PALM2AKAP2: variants seen among roughly 807,000 people sequenced by gnomAD.
The protein encoded by PALM2AKAP2 is PALM2-AKAP2 fusion protein.
A neutral mutation model predicts 71.5 loss-of-function variants in PALM2AKAP2; 37 were observed. The ratio of observed to expected loss-of-function variants is 0.52; its 90% CI spans 0.40 to 0.68. The LOEUF is 0.68. PALM2AKAP2 is among the 30% of genes least tolerant of loss of function. The probability of loss-of-function intolerance (pLI) is 0.00; values close to 1 mark genes in which losing one functional copy is unlikely to be tolerated. For synonymous variants in PALM2AKAP2, 468 were observed against 478.8 expected, an observed-to-expected ratio of 0.98 and a Z score of 0.29; for missense variants, 1,224 against 1,191.8, an observed-to-expected ratio of 1.03 and a Z score of -0.40.
chr9:109,697,947 A>G (rs1391264309), intron 1 of PALM2AKAP2, among the ~76,000 whole-genome samples: 1 of 152,214 alleles, frequency 6.6e-6, no homozygotes, highest in Admixed American at 6.5e-5. Context: ...ACCTGTGGCC[A>G]CATAGACATT....
At chr9:110,033,775 G>A (rs551195124) in intron 7 of PALM2AKAP2, among the ~76,000 whole-genome samples, 1 of 152,332 alleles carries the variant, frequency 6.6e-6, no homozygotes, top group African/African-American at 2.4e-5. Flanking sequence ...GAATGGACCT[G>A]ATCTAAGACC....
At chr9:110,060,332 A>G (rs1459686465) in intron 1 of PALM2AKAP2, among the ~76,000 whole-genome samples, 1 of 151,994 alleles carries the variant, frequency 6.6e-6, no homozygotes, top group African/African-American at 2.4e-5. Context: ...CGAACTCCTG[A>G]CCTCAAGTGA....
At chr9:109,855,700 T>C (rs962379686) in intron 1 of PALM2AKAP2, among the ~76,000 whole-genome samples, 1 of 152,174 alleles carries the variant, frequency 6.6e-6, no homozygotes, top group African/African-American at 2.4e-5. Flanking sequence ...ATTTTCTACT[T>C]TTAAACCATT....
chr9:109,754,735 A>G lies in PALM2AKAP2; in HGVS notation c.6-25753A>G, dbSNP rs1828933436. Among the ~76,000 whole-genome samples, 2 of 152,106 alleles carry G rather than the reference A, an allele frequency of 1.3e-5. 1 individual carries two copies. Among genetic ancestry groups the G allele is most frequent in the South Asian group, 4.1e-4 (2 of 4,820 alleles). On this transcript the variant is annotated intron_variant, in intron 1 of 6. Coordinates refer to the PALM2AKAP2 transcript ENST00000374531. Reference sequence around the variant, plus strand: ...TTCTCACATAACTGAGAGGAGAAGCAAGCTCTCTTGTGTCTCTTCTTATAT... The same window carrying G: ...TTCTCACATAACTGAGAGGAGAAGCGAGCTCTCTTGTGTCTCTTCTTATAT...
chr9:109,879,220 C>G (rs976960814), intron 2 of PALM2AKAP2, among the ~76,000 whole-genome samples: 3 of 152,252 alleles, frequency 2.0e-5, no homozygotes, highest in Admixed American at 1.3e-4. Flanking sequence ...CTCACCCTGC[C>G]TGATGAGATC....
exon 4 of PALM2AKAP2, chr9:110,170,792 G>A (rs955991603): frequency 1.3e-5 from 2 of 152,232 alleles, no homozygotes; most frequent in African/African-American, 4.8e-5. Context: ...ACTCAGGAAG[G>A]AGGATCGTCT....
chr9:109,687,849 G>A (rs942472841), intron 1 of PALM2AKAP2, among the ~76,000 whole-genome samples: 3 of 152,200 alleles, frequency 2.0e-5, no homozygotes, highest in Non-Finnish European at 2.9e-5. Flanking sequence ...CAAAATGAGG[G>A]ATGTTGTGAC....
At chr9:110,095,902 G>A (rs1185126328) in intron 1 of PALM2AKAP2, among the ~76,000 whole-genome samples, 4 of 152,148 alleles carry the variant, frequency 2.6e-5, no homozygotes, top group African/African-American at 9.7e-5. Flanking sequence ...GTATGATGTT[G>A]AAGTAGCCCA....
At chr9:109,874,507 A>G (rs1229988914) in intron 2 of PALM2AKAP2, among the ~76,000 whole-genome samples, 1 of 152,190 alleles carries the variant, frequency 6.6e-6, no homozygotes, top group East Asian at 1.9e-4. Flanking sequence ...TAAAGCACAT[A>G]AAGCAGTAAG....
intron 6 of PALM2AKAP2, among the ~76,000 whole-genome samples, chr9:109,941,666 C>A (rs1831372849): frequency 6.6e-6 from 1 of 152,158 alleles, no homozygotes; most frequent in African/African-American, 2.4e-5. Context: ...CAGTTTCTTC[C>A]CATCCAGGAA....
At chr9:109,888,600 C>T (rs1472722217) in intron 3 of PALM2AKAP2, among the ~76,000 whole-genome samples, 1 of 151,048 alleles carries the variant, frequency 6.6e-6, no homozygotes, top group African/African-American at 2.4e-5. Flanking sequence ...ATCCCAGCTA[C>T]TCAGGAGGCT....
intron 1 of PALM2AKAP2, among the ~76,000 whole-genome samples, chr9:109,719,148 A>G (rs1371364996): frequency 2.0e-5 from 3 of 152,252 alleles, no homozygotes; most frequent in African/African-American, 4.8e-5. Flanking sequence ...TTAGATATCG[A>G]GGAACAAAAA....
At chr9:109,844,930 G>GGTGTGT (rs755750905) in intron 1 of PALM2AKAP2, among the ~76,000 whole-genome samples, 1 of 61,010 alleles carries the variant, frequency 1.6e-5, no homozygotes, top group Non-Finnish European at 2.9e-5. Context: ...GCCAGAAAAT[G>GGTGTGT]ATGTGTGTGT....
chr9:110,066,015 T>A (rs1454731480), intron 1 of PALM2AKAP2, among the ~76,000 whole-genome samples: 1 of 152,234 alleles, frequency 6.6e-6, no homozygotes, highest in South Asian at 2.1e-4. Context: ...GGTTAATCCA[T>A]CTATGAGGTC....
chr9:109,956,307 G>A (rs1449326325), intron 6 of PALM2AKAP2, among the ~76,000 whole-genome samples: 1 of 151,902 alleles, frequency 6.6e-6, no homozygotes, highest in East Asian at 1.9e-4. Context: ...ATCTGGCCAA[G>A]GCTAATTACA....
At chr9:110,078,452 CTG>C (rs1430249836) in intron 1 of PALM2AKAP2, among the ~76,000 whole-genome samples, 2 of 152,124 alleles carry the variant, frequency 1.3e-5, no homozygotes, top group Non-Finnish European at 2.9e-5. Context: ...TTTTAAATAA[CTG>C]TTTTATTTTA....
At chr9:109,966,411 C>A (rs77237965) in intron 6 of PALM2AKAP2, among the ~76,000 whole-genome samples, 5,016 of 152,302 alleles carry the variant, frequency 0.033, 191 homozygotes, top group Admixed American at 0.1. Flanking sequence ...AGGTACCCTG[C>A]ATTTAGTACT....
intron 6 of PALM2AKAP2, among the ~76,000 whole-genome samples, chr9:109,978,510 T>TC (rs1832209926): frequency 6.6e-6 from 1 of 152,156 alleles, no homozygotes; most frequent in Admixed American, 6.5e-5. Context: ...CATTTAAAGC[T>TC]CCCTGAAAAG....
At chr9:110,015,689 G>A (rs928783398) in intron 6 of PALM2AKAP2, among the ~76,000 whole-genome samples, 1 of 152,148 alleles carries the variant, frequency 6.6e-6, no homozygotes, top group African/African-American at 2.4e-5. Context: ...TCTCCACCCT[G>A]GGCTAGGAAT....
Sources: allele counts gnomAD v4.1 joint callset (sites outside exome capture counted in the v4.1 genomes callset), GRCh38; gene constraint gnomAD v4.1.1; transcripts MANE v1.5; gene names NCBI Gene and HGNC (gene_info 2026-07-23, HGNC 2026-07-21).